ATF6B: variants seen among roughly 807,000 people sequenced by gnomAD.
The protein encoded by ATF6B is activating transcription factor 6 beta.
ATF6B carries 50 observed loss-of-function variants against 83.5 expected under a neutral mutation model. That is an observed-to-expected ratio of 0.60 (90% confidence interval 0.48 to 0.76). The LOEUF (loss-of-function observed/expected upper bound fraction) is 0.76, where lower values mean the gene tolerates loss of function less well. Ranked by LOEUF, ATF6B falls within the 30% of genes least tolerant of loss-of-function variation. The pLI is 0.00. For missense variants in ATF6B, 790 were observed against 893.8 expected (o/e 0.88, Z 1.48); for synonymous variants, 344 against 362.8 (o/e 0.95, Z 0.59).
At chr6:32,121,769 C>T (rs1481789970) in intron 5 of ATF6B, among the ~76,000 whole-genome samples, 1 of 152,138 alleles carries the variant, frequency 6.6e-6, no homozygotes, top group Non-Finnish European at 1.5e-5. Flanking sequence ...AAATAAAACT[C>T]TTCTGGCCCT....
Position 32,118,948 on chromosome 6 carries a change from G to A in ATF6B, c.1152+8C>T. The A allele has an allele frequency of 6.2e-7, 1 of 1,613,886 alleles. No homozygotes were observed. The highest frequency in any genetic ancestry group is 8.5e-7 in the Non-Finnish European group (1 of 1,179,774). ...CCTGTTGGTCTCCCAGGGACAGACTGGTCTTACTTCAGCCAGCAGGGCCTC... is the reference window on the plus strand; with the variant it reads ...CCTGTTGGTCTCCCAGGGACAGACTAGTCTTACTTCAGCCAGCAGGGCCTC... On this transcript the variant is annotated splice_region_variant and intron_variant, in intron 10 of 17. Coordinates refer to ENST00000375203, the MANE Select transcript of ATF6B (RefSeq NM_004381.5). This position sits in a 1 kb window ranked among gnomAD's most constrained non-coding sequence, Gnocchi z 5.2.
At chr6:32,120,544 G>A in intron 8 of ATF6B, 2 of 398,340 alleles carry the variant, frequency 5.0e-6, no homozygotes, top group Non-Finnish European at 8.7e-6. Flanking sequence ...TCCGCCTCCT[G>A]GGTTCAAGTG....
rs553742659 is a variant in ATF6B at position 32,123,122 on chromosome 6, G to T, written c.479-1774C>A. Among the ~76,000 whole-genome samples the T allele has an allele frequency of 2.6e-5, 4 of 151,180 alleles. No homozygotes were observed. In the East Asian group the frequency reaches 7.9e-4, roughly 30 times the overall value. On this transcript the variant is annotated intron_variant, in intron 5 of 17. Coordinates refer to ENST00000375203, the MANE Select transcript of ATF6B (RefSeq NM_004381.5). ...ACGTGCCTGTAGTCCTAGCTATTAGGGGGGCTGAGGCAGGACAATAGCTTA... is the reference window on the plus strand; with the variant it reads ...ACGTGCCTGTAGTCCTAGCTATTAGTGGGGCTGAGGCAGGACAATAGCTTA...
In ATF6B at chr6:32,126,158, G is replaced by A. The variant is rs1449143012; in HGVS notation, c.437C>T (p.Thr146Ile). The change falls in exon 5 of 18, where the codon ACC becomes ATC. Residue 146 changes from threonine (T) to isoleucine (I), a missense_variant. Physicochemically the swap from Thr to Ile is moderately conservative, Grantham distance 89. Around this residue, in one of 3 missense-constraint regions of ATF6B, gnomAD observed 253 missense variants for 243.1 expected, o/e 1.04. Coordinates refer to ENST00000375203, the MANE Select transcript of ATF6B (RefSeq NM_004381.5). Reference sequence around the variant, plus strand: ...GGTGGGGATAACGTTGATCTGGACGGTTTCAAATGAGGATGTTGGGTCATC... The same window carrying A: ...GGTGGGGATAACGTTGATCTGGACGATTTCAAATGAGGATGTTGGGTCATC... Reference protein sequence around the residue: ...LGDDPTSSFETVQINVIPTSD... With the variant: ...LGDDPTSSFEIVQINVIPTSD... The A allele has an allele frequency of 6.2e-7, 1 of 1,614,198 alleles. No homozygotes were observed. Among genetic ancestry groups the A allele is most frequent in the Admixed American group, 1.7e-5 (1 of 60,016 alleles).
Position 32,116,659 on chromosome 6 carries a change from C to T in ATF6B, c.1797+45G>A. 6.2e-7 allele frequency: 1 copy of T among 1,608,312 alleles called. No homozygotes were observed. Among genetic ancestry groups the T allele is most frequent in the East Asian group, 2.2e-5 (1 of 44,850 alleles). On this transcript the variant is annotated intron_variant, in intron 16 of 17. Transcript: ENST00000375203. This position sits in a 1 kb window ranked among gnomAD's most constrained non-coding sequence, Gnocchi z 5.1. ...ACATCCCCCCACTGAAGACAGACTG[C>T]TGGGAACCTGGGGTGACAGAGATGG...
chr6:32,123,596 G>A (rs1562910945), intron 5 of ATF6B, among the ~76,000 whole-genome samples: 1 of 152,126 alleles, frequency 6.6e-6, no homozygotes, highest in African/African-American at 2.4e-5. Flanking sequence ...CACTGTGTTA[G>A]CCCGAATGGT....
At chr6:32,123,295 T>C (rs1317374659) in intron 5 of ATF6B, among the ~76,000 whole-genome samples, 1 of 143,336 alleles carries the variant, frequency 7.0e-6, no homozygotes, top group African/African-American at 2.6e-5. Flanking sequence ...CTCACAAAAC[T>C]CTCCAAAAGC....
Position 32,118,657 on chromosome 6 carries a change from G to A in ATF6B, c.1244+118C>T, listed in dbSNP as rs1037646991. 15 of 1,003,968 alleles carry A rather than the reference G, an allele frequency of 1.5e-5. No individual in the cohort carries two copies. In the Middle Eastern group the frequency reaches 9.8e-4, roughly 66 times the overall value. 62.2% of individuals were successfully genotyped at this position (1,003,968 alleles called of 1,614,324 possible). On this transcript the variant is annotated intron_variant, in intron 11 of 17. Transcript: ENST00000375203. This position sits in a 1 kb window ranked among gnomAD's most constrained non-coding sequence, Gnocchi z 5.2. Reference sequence around the variant, plus strand: ...TGGCCAGACACATCATCGGTGCCAAGGACACCAGAACCATTTGTATATAAG... The same window carrying A: ...TGGCCAGACACATCATCGGTGCCAAAGACACCAGAACCATTTGTATATAAG...
At chr6:32,124,802 T>C (rs183225728) in intron 5 of ATF6B, among the ~76,000 whole-genome samples, 12 of 152,182 alleles carry the variant, frequency 7.9e-5, no homozygotes, top group Admixed American at 6.5e-4. Context: ...TCAGCGCCAA[T>C]GTGGATGAAA....
Position 32,118,376 on chromosome 6 carries a change from T to C in ATF6B, c.1245-338A>G, listed in dbSNP as rs925416787. Among the ~76,000 whole-genome samples the C allele has an allele frequency of 2.6e-5, 4 of 152,198 alleles. No individual in the cohort carries two copies. The highest frequency in any genetic ancestry group is 5.9e-5 in the Non-Finnish European group (4 of 68,032). On this transcript the variant is annotated intron_variant, in intron 11 of 17. Transcript: ENST00000375203. This position sits in a 1 kb window ranked among gnomAD's most constrained non-coding sequence, Gnocchi z 5.2. Reference sequence around the variant, plus strand: ...GGGAGGCTGAGGTGGGCAGACTGCCTGAGCTCAGGAGTTCGAGACCAGCCT... The same window carrying C: ...GGGAGGCTGAGGTGGGCAGACTGCCCGAGCTCAGGAGTTCGAGACCAGCCT...
chr6:32,120,556 T>G, intron 8 of ATF6B: 1 of 444,336 alleles, frequency 2.3e-6, no homozygotes, highest in South Asian at 4.0e-5. Flanking sequence ...GTTCAAGTGA[T>G]TCTCCTGCCT....
chr6:32,119,116 C>T lies in ATF6B; in HGVS notation c.992G>A (p.Arg331Gln), dbSNP rs748664726. Residue 331 changes from arginine (R) to glutamine (Q), a missense_variant, in exon 10 of 18, where the codon CGA becomes CAA. Arg to Gln is a conservative substitution (Grantham distance 43). This residue lies in a region of ATF6B where 530 missense variants were observed against 632.6 expected (regional missense o/e 0.84). Transcript: ENST00000375203. This position sits in a 1 kb window ranked among gnomAD's most constrained non-coding sequence, Gnocchi z 4.9. ...GGCTGACTCCCGGTTCTTGATCATT[C>T]GCTGCTGCCGCTTCAGCAGCTTTGC... is the stretch of plus-strand genomic sequence containing the variant. ...VDAKLLKRQQ[R>Q]MIKNRESACQ... 10 of 1,611,398 alleles carry T rather than the reference C, an allele frequency of 6.2e-6. No homozygotes were observed. The highest frequency in any genetic ancestry group is 1.7e-5 in the Admixed American group (1 of 59,694).
Position 32,118,694 on chromosome 6 carries a change from G to T in ATF6B, c.1244+81C>A. 1 of 1,411,448 alleles carries T rather than the reference G, an allele frequency of 7.1e-7. No individual in the cohort carries two copies. The highest frequency in any genetic ancestry group is 1.0e-6 in the Non-Finnish European group (1 of 1,003,068). The allele number at this position is 1,411,448 out of a possible 1,614,324, so 87.4% of individuals were successfully genotyped here. ...CATTTGTATATAAGCAGAAGGAAAT[G>T]GCCTGGGCCAAAGCAGGCAGCTAGG... On this transcript the variant is annotated intron_variant, in intron 11 of 17. Coordinates refer to ENST00000375203, the MANE Select transcript of ATF6B (RefSeq NM_004381.5). The surrounding 1 kb of genome is among the most constrained non-coding windows in gnomAD (Gnocchi z 5.2).
In ATF6B at chr6:32,120,858, C is replaced by G. The variant is rs774706155; in HGVS notation, c.745G>C (p.Val249Leu). ...GGCATTGGGACAGTGGTTAGCACTA[C>G]AGGTTTGGGCTGCAGTGGCGGCTTC... ...TRKPPLQPKP[V>L]VLTTVPMPSR... The change falls in exon 8 of 18, where the codon GTA becomes CTA. Residue 249 changes from valine (V) to leucine (L), a missense_variant. This residue lies in a region of ATF6B where 530 missense variants were observed against 632.6 expected (regional missense o/e 0.84). Coordinates refer to ENST00000375203, the MANE Select transcript of ATF6B (RefSeq NM_004381.5). The G allele has an allele frequency of 6.4e-7, 1 of 1,568,366 alleles. No homozygotes were observed. Among genetic ancestry groups the G allele is most frequent in the East Asian group, 2.3e-5 (1 of 44,324 alleles).
At chr6:32,121,385 T>G in intron 5 of ATF6B, 37 bp from the exon 6 acceptor site, 1 of 1,578,622 alleles carries the variant, frequency 6.3e-7, no homozygotes, top group Non-Finnish European at 8.7e-7. Context: ...CTGGATATCA[T>G]GTAAACACTG....
chr6:32,117,823 C>T lies in ATF6B; in HGVS notation c.1424+36G>A. On this transcript the variant is annotated intron_variant, in intron 12 of 17. Transcript: ENST00000375203. The surrounding 1 kb of genome is among the most constrained non-coding windows in gnomAD (Gnocchi z 5.0). ...AGCGGGGAGAAGACCAACTCATACC[C>T]TCAAACGAGAGGGGGCCCTCTCTCT... 2 of 1,555,228 alleles carry T rather than the reference C, an allele frequency of 1.3e-6. No homozygotes were observed. Among genetic ancestry groups the T allele is most frequent in the Non-Finnish European group, 8.7e-7 (1 of 1,152,826 alleles).
chr6:32,127,581 C>T (rs1263912855), intron 2 of ATF6B, 61 bp from the exon 3 acceptor site: 2 of 1,609,506 alleles, frequency 1.2e-6, no homozygotes, highest in Non-Finnish European at 1.7e-6. Flanking sequence ...GTAGGGGTGA[C>T]TCCAGATGAG....
In ATF6B at chr6:32,118,681, A is replaced by G. The variant is rs906776152; in HGVS notation, c.1244+94T>C. On this transcript the variant is annotated intron_variant, in intron 11 of 17. Coordinates refer to ENST00000375203, the MANE Select transcript of ATF6B (RefSeq NM_004381.5). This position sits in a 1 kb window ranked among gnomAD's most constrained non-coding sequence, Gnocchi z 5.2. ...AGGACACCAGAACCATTTGTATATA[A>G]GCAGAAGGAAATGGCCTGGGCCAAA... The G allele has an allele frequency of 4.5e-5, 57 of 1,265,006 alleles. No homozygotes were observed. Among genetic ancestry groups the G allele is most frequent in the Admixed American group, 5.6e-5 (3 of 53,862 alleles). The allele number at this position is 1,265,006 out of a possible 1,614,324, so 78.4% of individuals were successfully genotyped here. A position where few individuals can be genotyped will look rare whatever the true frequency, so the allele number is the denominator to read the frequency against.
rs761393927 is a variant in ATF6B, at chr6:32,118,827, C to T, written c.1192G>A (p.Val398Ile). 1 of 1,614,254 alleles carries T rather than the reference C, an allele frequency of 6.2e-7. No individual in the cohort carries two copies. Among genetic ancestry groups the T allele is most frequent in the Admixed American group, 1.7e-5 (1 of 60,036 alleles). Residue 398 changes from valine (V) to isoleucine (I), a missense_variant, in exon 11 of 18, where the codon GTC (valine) becomes ATC (isoleucine). Val to Ile is a conservative substitution (Grantham distance 29, BLOSUM62 3). Transcript: ENST00000375203. This position sits in a 1 kb window ranked among gnomAD's most constrained non-coding sequence, Gnocchi z 5.2. ...LKLGSGNRKV[V>I]CIMVFLLFIA... ...AAGAGAAGGAAGACCATGATGCAGACCACCTTCCTGTTTCCAGACCCTAAC... is the reference window on the plus strand; with the variant it reads ...AAGAGAAGGAAGACCATGATGCAGATCACCTTCCTGTTTCCAGACCCTAAC...
Sources: gnomAD v4.1 joint callset for allele counts (sites outside exome capture counted in the v4.1 genomes callset) on GRCh38, gnomAD v4.1.1 for gene constraint, gnomAD v4.1.1 regional missense constraint, Gnocchi (gnomAD v3.1) non-coding constraint, MANE v1.5 for transcripts, NCBI Gene and HGNC (gene_info 2026-07-23, HGNC 2026-07-21) for gene names.